UGT1A10: variants seen among roughly 807,000 people sequenced by gnomAD.
UGT1A10 encodes the protein UDP glucuronosyltransferase family 1 member A10.
Under a neutral mutation model 45.8 loss-of-function variants are expected in UGT1A10, and 49 were observed. The observed-to-expected ratio is 1.07, with a 90% confidence interval of 0.85 to 1.36. UGT1A10 has a LOEUF of 1.36. Among genes scored for constraint, UGT1A10 ranks in the 40% most tolerant of loss-of-function variants. The pLI is 0.00. For synonymous variants in UGT1A10, 284 were observed against 249.7 expected (o/e 1.14, Z -1.29); for missense variants, 745 against 668.6 (o/e 1.11, Z -1.26).
In UGT1A10 at chr2:233,739,739, C is replaced by T. The variant is rs186719753; in HGVS notation, c.856-27295C>T. 9.1e-3 allele frequency among the ~76,000 whole-genome samples: 1,388 copies of T among 152,094 alleles called. 31 individuals carry two copies. Among genetic ancestry groups the T allele is most frequent in the African/African-American group, 0.032 (1,304 of 41,394 alleles). ...GGACTTGACTTGTCTCAGATGAGAC[C>T]TTGGACTATGGACTTTTGAGCTAGT... On this transcript the variant is annotated intron_variant, in intron 1 of 4. Coordinates refer to ENST00000344644, the MANE Select transcript of UGT1A10 (RefSeq NM_019075.4).
chr2:233,659,959 C>T (rs577042413), intron 1 of UGT1A10, among the ~76,000 whole-genome samples: 1 of 152,276 alleles, frequency 6.6e-6, no homozygotes, highest in South Asian at 2.1e-4. Context: ...TCTGTTAATT[C>T]CTCAGGTGTG....
intron 1 of UGT1A10, chr2:233,729,155 C>G (rs754518469): frequency 1.9e-6 from 3 of 1,613,596 alleles, no homozygotes; most frequent in South Asian, 1.1e-5. Context: ...GTTCCCCTGC[C>G]GTGGCTGGCC....
intron 1 of UGT1A10, among the ~76,000 whole-genome samples, chr2:233,734,963 T>A (rs1419315489): frequency 6.6e-6 from 1 of 152,234 alleles, no homozygotes; most frequent in Non-Finnish European, 1.5e-5. Context: ...ATAAGTGTGA[T>A]GTGGTGCTGA....
intron 1 of UGT1A10, chr2:233,750,653 C>CT (rs915876685): frequency 6.6e-6 from 1 of 151,896 alleles, no homozygotes; most frequent in African/African-American, 2.4e-5. Flanking sequence ...AGCCTCAGGA[C>CT]TTGGTGCCCT....
intron 1 of UGT1A10, among the ~76,000 whole-genome samples, chr2:233,765,362 C>T (rs923355848): frequency 3.3e-5 from 5 of 152,128 alleles, no homozygotes; most frequent in African/African-American, 7.2e-5. Context: ...AACCCAGATG[C>T]CCATCAATGG....
chr2:233,716,632 A>G (rs1442427845), intron 1 of UGT1A10, among the ~76,000 whole-genome samples: 1 of 152,158 alleles, frequency 6.6e-6, no homozygotes, highest in Non-Finnish European at 1.5e-5. Flanking sequence ...TGAAGTTTTT[A>G]TCGTTTGTAC....
At chr2:233,766,899 A>T in intron 1 of UGT1A10, 135 bp from the exon 2 acceptor site, 2 of 1,486,470 alleles carry the variant, frequency 1.3e-6, no homozygotes, top group Non-Finnish European at 1.8e-6. Flanking sequence ...CATATTAATA[A>T]TTTTTTACTC....
At chr2:233,660,114 C>T (rs2125487107) in intron 1 of UGT1A10, among the ~76,000 whole-genome samples, 1 of 152,340 alleles carries the variant, frequency 6.6e-6, no homozygotes, top group East Asian at 1.9e-4. Flanking sequence ...TCACGCACAA[C>T]ATCTGGACAC....
chr2:233,712,953 C>T (rs759675918), intron 1 of UGT1A10: 31 of 1,612,662 alleles, frequency 1.9e-5, no homozygotes, highest in Middle Eastern at 2.0e-4. Context: ...GGAGGCACAA[C>T]GTGGGGTGGA....
chr2:233,729,866 A>G (rs1305518931), intron 1 of UGT1A10: 3 of 1,613,610 alleles, frequency 1.9e-6, no homozygotes, highest in South Asian at 2.2e-5. Context: ...TCAGTGGTGG[A>G]TATTCTCAGT....
At chr2:233,648,758 C>A in intron 1 of UGT1A10, 1 of 697,010 alleles carries the variant, frequency 1.4e-6, no homozygotes, top group Non-Finnish European at 2.3e-6. Context: ...GCCACCACAC[C>A]CAGCCTGGAT....
At chr2:233,645,259 C>A (rs1003606091) in intron 1 of UGT1A10, among the ~76,000 whole-genome samples, 1 of 152,132 alleles carries the variant, frequency 6.6e-6, no homozygotes, top group African/African-American at 2.4e-5. Flanking sequence ...ATTTTCCCAC[C>A]AGGATCCTCC....
chr2:233,731,478 G>T lies in UGT1A10; in HGVS notation c.856-35556G>T, dbSNP rs546247495. 7.2e-5 allele frequency among the ~76,000 whole-genome samples: 11 copies of T among 152,100 alleles called. No individual in the cohort carries two copies. In the East Asian group the frequency reaches 2.1e-3, roughly 29 times the overall value. On this transcript the variant is annotated intron_variant, in intron 1 of 4. Transcript: ENST00000344644. ...AGGCCCTGGCGTGTGATGTTCCCTG[G>T]CCTGTGTCCAGTGTTCTTGCTGTTC... is the stretch of plus-strand genomic sequence containing the variant.
chr2:233,650,487 A>G (rs1003478240), intron 1 of UGT1A10, among the ~76,000 whole-genome samples: 1 of 152,206 alleles, frequency 6.6e-6, no homozygotes, highest in Non-Finnish European at 1.5e-5. Context: ...CATGAGCAAG[A>G]TGAATTGTTT....
intron 1 of UGT1A10, chr2:233,748,039 T>C (rs999910080): frequency 2.4e-4 from 393 of 1,613,376 alleles, no homozygotes; most frequent in South Asian, 8.0e-4. Context: ...ATGGTCTTCA[T>C]TGGGGGCATC....
At chr2:233,755,468 T>G (rs1434722423) in intron 1 of UGT1A10, 4 of 241,190 alleles carry the variant, frequency 1.7e-5, no homozygotes, top group Non-Finnish European at 3.3e-5. Context: ...CTGCTCTCTG[T>G]GAGGCTCTGT....
chr2:233,728,979 T>A, intron 1 of UGT1A10: 1 of 1,500,276 alleles, frequency 6.7e-7, no homozygotes, highest in Non-Finnish European at 8.9e-7. Flanking sequence ...AGATTAATGG[T>A]TAATAATTAA....
At chr2:233,713,402 G>T (rs2076318296) in intron 1 of UGT1A10, 1 of 1,614,124 alleles carries the variant, frequency 6.2e-7, no homozygotes, top group Admixed American at 1.7e-5. Flanking sequence ...ATGAGGCCCT[G>T]ATCAGGCACC....
intron 1 of UGT1A10, among the ~76,000 whole-genome samples, chr2:233,717,599 A>T (rs1437160021): frequency 6.6e-6 from 1 of 152,232 alleles, no homozygotes; most frequent in African/African-American, 2.4e-5. Flanking sequence ...TGAGATGGAA[A>T]GTGGGCACAG....
Sources: gnomAD v4.1 joint callset for allele counts (sites outside exome capture counted in the v4.1 genomes callset) on GRCh38, gnomAD v4.1.1 for gene constraint, MANE v1.5 for transcripts, NCBI Gene and HGNC (gene_info 2026-07-23, HGNC 2026-07-21) for gene names.